The following NAALADL2 variants were observed in gnomAD, a reference collection of about 807,000 sequenced individuals.
NAALADL2 encodes the protein N-acetylated alpha-linked acidic dipeptidase like 2, also known as inactive N-acetylated-alpha-linked acidic dipeptidase-like protein 2.
A neutral mutation model predicts 87.2 loss-of-function variants in NAALADL2; 76 were observed. That is an observed-to-expected ratio of 0.87 (90% CI 0.72 to 1.05). The LOEUF (loss-of-function observed/expected upper bound fraction) is 1.05. Ranked by LOEUF, NAALADL2 falls within the 50% of genes least tolerant of loss-of-function variation. NAALADL2 has a pLI of 0.00. For synonymous variants in NAALADL2, 354 were observed against 331.0 expected, an observed-to-expected ratio of 1.07 and a Z score of -0.75; for missense variants, 1,089 against 945.8, an observed-to-expected ratio of 1.15 and a Z score of -1.99.
At chr3:174,469,646 G>A (rs1233553093) in intron 1 of NAALADL2, among the ~76,000 whole-genome samples, 1 of 151,778 alleles carries the variant, frequency 6.6e-6, no homozygotes, top group Non-Finnish European at 1.5e-5. Flanking sequence ...TAGCCAGGAT[G>A]GTCTCTATCT....
intron 3 of NAALADL2, among the ~76,000 whole-genome samples, chr3:174,784,153 C>T (rs1168896986): frequency 2.6e-5 from 4 of 152,178 alleles, no homozygotes; most frequent in Middle Eastern, 6.8e-3. Context: ...GTATTTTTTA[C>T]TTAGCTAGTT....
chr3:175,430,175 A>G (rs962715258), intron 5 of NAALADL2, among the ~76,000 whole-genome samples: 4 of 151,920 alleles, frequency 2.6e-5, no homozygotes, highest in African/African-American at 9.7e-5. Flanking sequence ...TTCTGATTTT[A>G]TATTCTTTGG....
chr3:174,539,977 GAAAAAAAA>G (rs57394560), intron 1 of NAALADL2, among the ~76,000 whole-genome samples: 6 of 51,178 alleles, frequency 1.2e-4, no homozygotes, highest in Admixed American at 2.9e-4. Context: ...GGAAGTTCTG[GAAAAAAAA>G]AAAAAAAAAA....
intron 11 of NAALADL2, among the ~76,000 whole-genome samples, chr3:175,717,693 A>G (rs935632835): frequency 1.3e-5 from 2 of 148,308 alleles, no homozygotes; most frequent in Non-Finnish European, 3.0e-5. Flanking sequence ...CCTGTCTCCA[A>G]AAAAAAAAAA....
At chr3:175,575,635 C>A (rs901803348) in intron 9 of NAALADL2, among the ~76,000 whole-genome samples, 1 of 152,076 alleles carries the variant, frequency 6.6e-6, no homozygotes, top group Middle Eastern at 3.2e-3. Context: ...TTATACCCTA[C>A]AAAGCATTCT....
At chr3:174,551,890 AT>A (rs1712169487) in intron 2 of NAALADL2, among the ~76,000 whole-genome samples, 1 of 152,204 alleles carries the variant, frequency 6.6e-6, no homozygotes, top group Non-Finnish European at 1.5e-5. Context: ...TGGAAGGAAC[AT>A]TGGCTTTGGT....
At position 174,863,210 on chromosome 3, in the gene NAALADL2, C is replaced by G. The variant is rs115494879; in HGVS notation, c.43+3760C>G. Among the ~76,000 whole-genome samples the G allele has an allele frequency of 2.7e-3, 412 of 152,224 alleles. 3 individuals are homozygous for G. The highest frequency in any genetic ancestry group is 9.6e-3 in the African/African-American group (400 of 41,534). ...GAGGCCACGTCTCTAACCTGCTGCT[C>G]AAAACTGCGTTTGCTGCAGTTTTAC... On this transcript the variant is annotated intron_variant, in intron 1 of 13. Transcript: ENST00000454872.
chr3:174,569,371 T>C lies in NAALADL2; in HGVS notation c.-115+18734T>C, dbSNP rs1714659094. Among the ~76,000 whole-genome samples, 3 of 152,196 alleles carry C rather than the reference T, an allele frequency of 2.0e-5. No homozygotes were observed. The South Asian group carries it at 6.2e-4, about 32-fold the overall frequency. ...TTAAATAAAGTACCCAGTTAAAGAT[T>C]AATTTTCATATGAAAAGCACCCCTC... On this transcript the variant is annotated intron_variant, in intron 2 of 3. Transcript: ENST00000434257.
At chr3:174,830,695 G>C (rs1289037510) in intron 3 of NAALADL2, among the ~76,000 whole-genome samples, 1 of 152,026 alleles carries the variant, frequency 6.6e-6, no homozygotes, top group East Asian at 1.9e-4. Flanking sequence ...AATTACCTTG[G>C]GCAGTATGGC....
In NAALADL2 at chr3:174,787,596, T is replaced by TAC. The variant is rs1432220084; in HGVS notation, c.-9+49851_-9+49852insCA. On this transcript the variant is annotated intron_variant, in intron 3 of 3. Transcript: ENST00000434257. ...ATCATCATATATATATATATATATA[T>TAC]ATATATATATATATATATATATATA... Among the ~76,000 whole-genome samples the TAC allele has an allele frequency of 1.8e-3, 118 of 65,784 alleles. 4 individuals are homozygous for TAC. The highest frequency in any genetic ancestry group is 4.3e-3 in the African/African-American group (81 of 18,784). The allele number at this position is 65,784 out of a possible 152,430, so 43.2% of individuals were successfully genotyped here.
In NAALADL2 at chr3:175,482,139, A is replaced by T. The variant is rs144792898; in HGVS notation, c.1653+10381A>T. Among the ~76,000 whole-genome samples, 1,291 of 152,108 alleles carry T rather than the reference A, an allele frequency of 8.5e-3. 11 individuals are homozygous for T. The highest frequency in any genetic ancestry group is 0.024 in the Middle Eastern group (7 of 294). ...AAACTAAAATATACTTATCTAAGGGATACATATTAGCCAACATCCAGAAAA... is the reference window on the plus strand; with the variant it reads ...AAACTAAAATATACTTATCTAAGGGTTACATATTAGCCAACATCCAGAAAA... On this transcript the variant is annotated intron_variant, in intron 9 of 13. Transcript: ENST00000454872.
intron 1 of NAALADL2, among the ~76,000 whole-genome samples, chr3:174,497,130 T>A (rs11718088): frequency 2.0e-5 from 3 of 152,108 alleles, no homozygotes; most frequent in South Asian, 4.1e-4. Context: ...GTAGATGATA[T>A]GCAAATAGGT....
chr3:175,287,252 GTACT>G (rs1464841693), intron 4 of NAALADL2, among the ~76,000 whole-genome samples: 1 of 152,088 alleles, frequency 6.6e-6, no homozygotes, highest in Non-Finnish European at 1.5e-5. Flanking sequence ...GTTATAAACA[GTACT>G]TAATGTTCTC....
intron 3 of NAALADL2, among the ~76,000 whole-genome samples, chr3:174,753,828 G>A (rs1178955879): frequency 6.6e-6 from 1 of 152,128 alleles, no homozygotes; most frequent in Non-Finnish European, 1.5e-5. Context: ...TGAGACTTTT[G>A]GAAAGTAATT....
chr3:174,624,948 T>A (rs1356169403), intron 2 of NAALADL2, among the ~76,000 whole-genome samples: 1 of 152,122 alleles, frequency 6.6e-6, no homozygotes, highest in Non-Finnish European at 1.5e-5. Flanking sequence ...CTTTAGAAAG[T>A]CTTTTTCTCT....
chr3:175,457,246 AT>A (rs1333732881), intron 6 of NAALADL2, among the ~76,000 whole-genome samples: 6 of 152,080 alleles, frequency 3.9e-5, no homozygotes, highest in Non-Finnish European at 7.4e-5. Flanking sequence ...CTAACAAGGT[AT>A]GTTTCTCAGC....
intron 13 of NAALADL2, among the ~76,000 whole-genome samples, chr3:175,789,659 C>T (rs925794345): frequency 2.6e-5 from 4 of 152,068 alleles, no homozygotes; most frequent in Non-Finnish European, 5.9e-5. Flanking sequence ...TACTTTTATT[C>T]TTCTCTATTT....
chr3:175,438,897 G>C (rs904235628), intron 5 of NAALADL2, among the ~76,000 whole-genome samples: 1 of 151,962 alleles, frequency 6.6e-6, no homozygotes, highest in Admixed American at 6.6e-5. Context: ...GGTGGTGTTT[G>C]GTTATATGAA....
intron 1 of NAALADL2, among the ~76,000 whole-genome samples, chr3:174,976,473 A>G (rs1744377375): frequency 6.6e-6 from 1 of 152,180 alleles, no homozygotes; most frequent in Non-Finnish European, 1.5e-5. Context: ...AGCATTTCCT[A>G]TGTGTTTGCC....
Sources: gnomAD v4.1 joint callset for allele counts (sites outside exome capture counted in the v4.1 genomes callset) on GRCh38, gnomAD v4.1.1 for gene constraint, MANE v1.5 for transcripts, NCBI Gene and HGNC (gene_info 2026-07-23, HGNC 2026-07-21) for gene names.